RANBP2: variants seen among roughly 807,000 people sequenced by gnomAD.
RANBP2 encodes the protein RAN binding protein 2, also known as E3 SUMO-protein ligase RanBP2.
In RANBP2, 57 loss-of-function variants were observed where a neutral mutation model predicts 303.6. That is an observed-to-expected ratio of 0.19 (90% CI 0.15 to 0.23). The LOEUF (loss-of-function observed/expected upper bound fraction) is 0.23. Ranked by LOEUF, RANBP2 falls within the 10% of genes least tolerant of loss-of-function variation. The pLI is 1.00. For synonymous variants in RANBP2, 1,167 were observed against 1,301.5 expected (o/e 0.90, Z 2.23); for missense variants, 3,138 against 3,780.8 (o/e 0.83, Z 4.46).
the RANBP2 span, chr2:109,614,007 T>G: frequency 2.2e-5 from 26 of 1,174,942 alleles, no homozygotes; most frequent in Middle Eastern, 3.4e-4. Flanking sequence ...GGGGCGGGGT[T>G]GGGGCGGACG....
chr2:109,486,261 C>G, the RANBP2 span, among the ~76,000 whole-genome samples: 1 of 152,204 alleles, frequency 6.6e-6, no homozygotes, highest in Non-Finnish European at 1.5e-5. Context: ...GTCCTCATTT[C>G]AGACCCACAG....
the RANBP2 span, among the ~76,000 whole-genome samples, chr2:109,243,850 G>C: frequency 6.6e-6 from 1 of 152,150 alleles, no homozygotes; most frequent in Non-Finnish European, 1.5e-5. Flanking sequence ...TACGTGATCT[G>C]GTTTGCTTTA....
chr2:108,930,408 C>A, the RANBP2 span, among the ~76,000 whole-genome samples: 9 of 152,112 alleles, frequency 5.9e-5, no homozygotes, highest in Non-Finnish European at 1.0e-4. Context: ...GCTGCTAAGT[C>A]TCCAGTGGCT....
At chr2:109,399,438 A>C in the RANBP2 span, among the ~76,000 whole-genome samples, 10 of 137,574 alleles carry the variant, frequency 7.3e-5, no homozygotes, top group Non-Finnish European at 1.4e-4. Context: ...TCTAGACTCC[A>C]TTTCCACTAG....
At chr2:109,613,754 G>A in the RANBP2 span, 1 of 1,178,252 alleles carries the variant, frequency 8.5e-7, no homozygotes, top group Non-Finnish European at 1.1e-6. Context: ...TCCCGCGGGG[G>A]CCGGGGAGCG....
At chr2:109,453,805 C>T in the RANBP2 span, among the ~76,000 whole-genome samples, 1 of 152,166 alleles carries the variant, frequency 6.6e-6, no homozygotes, top group South Asian at 2.1e-4. Flanking sequence ...AGAGGGTCAC[C>T]GACAAAGGCG....
the RANBP2 span, among the ~76,000 whole-genome samples, chr2:109,580,972 G>A: frequency 6.6e-6 from 1 of 152,174 alleles, no homozygotes; most frequent in African/African-American, 2.4e-5. Flanking sequence ...AAGCTGCACA[G>A]GCAGGAAGCA....
At chr2:108,982,211 CCTCT>C in the RANBP2 span, among the ~76,000 whole-genome samples, 1 of 152,210 alleles carries the variant, frequency 6.6e-6, no homozygotes, top group African/African-American at 2.4e-5. Context: ...AATGCAGTGG[CCTCT>C]CTAACAAAGA....
At chr2:109,494,345 T>C in the RANBP2 span, among the ~76,000 whole-genome samples, 15,058 of 152,116 alleles carry the variant, frequency 0.099, 1,206 homozygotes, top group Admixed American at 0.23. Context: ...GAGAAGTGTT[T>C]CCAAAAAACA....
At chr2:108,978,416 T>A in the RANBP2 span, among the ~76,000 whole-genome samples, 2 of 152,178 alleles carry the variant, frequency 1.3e-5, 1 homozygote, top group South Asian at 4.1e-4. Context: ...CTTGGTCGAC[T>A]CTGCGTGTCT....
At chr2:108,829,312 A>G in the RANBP2 span, among the ~76,000 whole-genome samples, 7 of 152,344 alleles carry the variant, frequency 4.6e-5, no homozygotes, top group South Asian at 1.4e-3. Context: ...CCTATTTTTA[A>G]AAAAGCAAGC....
At chr2:109,420,457 G>C in the RANBP2 span, among the ~76,000 whole-genome samples, 1 of 151,994 alleles carries the variant, frequency 6.6e-6, no homozygotes, top group East Asian at 1.9e-4. Flanking sequence ...GTTTTGTTTT[G>C]TTTTTTGAGA....
chr2:109,615,916 G>T, the RANBP2 span: 2 of 1,609,302 alleles, frequency 1.2e-6, no homozygotes, highest in Non-Finnish European at 1.7e-6. Context: ...AACAAAATCC[G>T]ATTCAGAACC....
the RANBP2 span, among the ~76,000 whole-genome samples, chr2:109,526,157 C>T: frequency 0.047 from 7,125 of 152,246 alleles, 567 homozygotes; most frequent in African/African-American, 0.16. Context: ...CTATTTCCCT[C>T]TTTTGTCTCT....
At chr2:109,615,811 A>G in the RANBP2 span, 7 of 1,614,148 alleles carry the variant, frequency 4.3e-6, no homozygotes, top group African/African-American at 4.0e-5. Context: ...CATCACCACC[A>G]TCACCACTCG....
the RANBP2 span, among the ~76,000 whole-genome samples, chr2:109,190,731 C>T: frequency 6.6e-6 from 1 of 151,982 alleles, no homozygotes; most frequent in African/African-American, 2.4e-5. Flanking sequence ...TGGGTGTCTC[C>T]CTTCTTTTCC....
the RANBP2 span, among the ~76,000 whole-genome samples, chr2:109,098,520 C>G: frequency 6.6e-6 from 1 of 152,156 alleles, no homozygotes; most frequent in Non-Finnish European, 1.5e-5. Context: ...CCCTGTTCTC[C>G]TTTTACAAGA....
intron 7 of RANBP2, among the ~76,000 whole-genome samples, chr2:108,744,832 A>G (rs1156314719): frequency 6.6e-6 from 1 of 152,248 alleles, no homozygotes; most frequent in East Asian, 1.9e-4. Flanking sequence ...CCACCTCCAA[A>G]GAAACTAATG....
At chr2:109,373,797 T>A in the RANBP2 span, among the ~76,000 whole-genome samples, 2 of 152,108 alleles carry the variant, frequency 1.3e-5, no homozygotes, top group Non-Finnish European at 2.9e-5. Context: ...GAGCAAATCT[T>A]AAAGGACAGG....
Sources: allele counts gnomAD v4.1 joint callset (sites outside exome capture counted in the v4.1 genomes callset), GRCh38; gene constraint gnomAD v4.1.1; transcripts MANE v1.5; gene names NCBI Gene and HGNC (gene_info 2026-07-23, HGNC 2026-07-21).